Variants in ZNF566 observed in about 807,000 individuals in gnomAD.
The protein encoded by ZNF566 is zinc finger protein 566.
In ZNF566, 27 loss-of-function variants were observed where a neutral mutation model predicts 32.8. The ratio of observed to expected loss-of-function variants is 0.82; its 90% CI spans 0.61 to 1.14. The LOEUF (loss-of-function observed/expected upper bound fraction) is 1.14. ZNF566 is among the 50% of genes most tolerant of loss of function. The probability of loss-of-function intolerance (pLI) is 0.00; values close to 1 mark genes in which losing one functional copy is unlikely to be tolerated. For synonymous variants in ZNF566, 154 were observed against 159.5 expected (o/e 0.97, Z 0.26); for missense variants, 402 against 490.4 (o/e 0.82, Z 1.70).
intron 4 of ZNF566, among the ~76,000 whole-genome samples, chr19:36,458,911 T>C (rs978788342): frequency 6.6e-6 from 1 of 152,318 alleles, no homozygotes; most frequent in African/African-American, 2.4e-5. Flanking sequence ...TGGAGTGCAA[T>C]GGCGCGATCT....
intron 1 of ZNF566, among the ~76,000 whole-genome samples, chr19:36,480,837 C>T (rs568447830): frequency 1.3e-3 from 200 of 151,168 alleles, no homozygotes; most frequent in African/African-American, 4.6e-3. Context: ...GTCAGGAGTT[C>T]GAGACCAGCC....
chr19:36,474,733 G>C (rs2033844150), intron 2 of ZNF566, among the ~76,000 whole-genome samples: 1 of 152,064 alleles, frequency 6.6e-6, no homozygotes, highest in Non-Finnish European at 1.5e-5. Context: ...TTGTATCTTA[G>C]AAAATTAAAT....
chr19:36,449,931 C>T lies in ZNF566; in HGVS notation c.303G>A (p.Gln101=). 1 of 1,613,950 alleles carries T rather than the reference C, an allele frequency of 6.2e-7. No individual in the cohort carries two copies. Among genetic ancestry groups the T allele is most frequent in the Non-Finnish European group, 8.5e-7 (1 of 1,179,952 alleles). ...TTGTGAGTTTTTCCATTATTTCCCA[C>T]TGGGTTGATTCTATTTCATAAATTT... The part of the protein sequence containing the change: ...KKEIYEIEST[Q]WEIMEKLTRR... Residue 101 remains glutamine (Q), a synonymous_variant, in exon 5 of 5, where the codon CAG becomes CAA. Coordinates refer to ENST00000452939, the MANE Select transcript of ZNF566 (RefSeq NM_001145344.1).
Position 36,449,943 on chromosome 19 carries a change from T to C in ZNF566, c.291A>G (p.Ile97Met). The C allele has an allele frequency of 6.2e-7, 1 of 1,612,090 alleles. No homozygotes were observed. ...CCATTATTTCCCACTGGGTTGATTC[T>C]ATTTCATAAATTTCTTTCTTCAGAA... is the stretch of plus-strand genomic sequence containing the variant. ...KLFLKKEIYE[I>M]ESTQWEIMEK... The change falls in exon 5 of 5, where the codon ATA becomes ATG. Residue 97 changes from isoleucine (I) to methionine (M), a missense_variant. Physicochemically the swap from Ile to Met is conservative, Grantham distance 10 (BLOSUM62 1). This residue lies in a region of ZNF566 where 220 missense variants were observed against 241.9 expected (regional missense o/e 0.91). Transcript: ENST00000452939.
chr19:36,481,473 G>GAAAAAAAAAAA (rs79028574), intron 1 of ZNF566, among the ~76,000 whole-genome samples: 1 of 110,846 alleles, frequency 9.0e-6, no homozygotes, highest in African/African-American at 3.5e-5. Flanking sequence ...ACTGTCTCGG[G>GAAAAAAAAAAA]AAAAAAAAAA....
chr19:36,489,400 C>T (rs1016911894), intron 1 of ZNF566, 86 bp downstream of exon 1: 3 of 293,900 alleles, frequency 1.0e-5, no homozygotes, highest in Non-Finnish European at 2.0e-5. Context: ...CAAGCGCACG[C>T]TTTCAATCTC....
chr19:36,480,177 C>T (rs557218113), intron 1 of ZNF566, among the ~76,000 whole-genome samples: 7 of 152,078 alleles, frequency 4.6e-5, no homozygotes, highest in African/African-American at 1.7e-4. Context: ...GACAGCAGTA[C>T]AGACAAAACA....
Position 36,448,795 on chromosome 19 carries a change from CT to C in ZNF566, c.*181del. The C allele has an allele frequency of 1.9e-6, 1 of 519,590 alleles. No homozygotes were observed. The highest frequency in any genetic ancestry group is 3.2e-6 in the Non-Finnish European group (1 of 308,970). 32.2% of individuals were successfully genotyped at this position (519,590 alleles called of 1,614,324 possible). A position where few individuals can be genotyped will look rare whatever the true frequency, so the allele number is the denominator to read the frequency against. On this transcript the variant is annotated 3_prime_UTR_variant, in exon 5 of 5. Transcript: ENST00000452939. ...AGAGAAGTAAGCGTTTAGTTAAGGG[CT>C]TCCAAAGTATATTCTATTCATAGAG...
chr19:36,448,811 TATTCATAGAG>T lies in ZNF566; in HGVS notation c.*156_*165del, dbSNP rs1243458359. The T allele has an allele frequency of 1.7e-6, 1 of 596,556 alleles. No homozygotes were observed. The highest frequency in any genetic ancestry group is 1.9e-5 in the African/African-American group (1 of 53,026). 37.0% of individuals were successfully genotyped at this position (596,556 alleles called of 1,614,324 possible). The stretch of plus-strand genomic sequence containing the variant: ...AGTTAAGGGCTTCCAAAGTATATTC[TATTCATAGAG>T]TATTTCTCCAACATTATTTTTCCCA... On this transcript the variant is annotated 3_prime_UTR_variant, in exon 5 of 5. Coordinates refer to ENST00000452939, the MANE Select transcript of ZNF566 (RefSeq NM_001145344.1).
intron 4 of ZNF566, among the ~76,000 whole-genome samples, chr19:36,453,126 A>C (rs1352817723): frequency 6.7e-6 from 1 of 149,252 alleles, no homozygotes; most frequent in Non-Finnish European, 1.5e-5. Context: ...TCAAAAAAAA[A>C]ACAAAAAAAC....
chr19:36,465,081 C>T (rs975640616), intron 4 of ZNF566, among the ~76,000 whole-genome samples: 9 of 151,868 alleles, frequency 5.9e-5, no homozygotes, highest in African/African-American at 1.7e-4. Context: ...TAGCCTAATA[C>T]AAAATGGATC....
intron 1 of ZNF566, among the ~76,000 whole-genome samples, chr19:36,476,938 A>G (rs2033901466): frequency 6.6e-6 from 1 of 152,190 alleles, no homozygotes; most frequent in Admixed American, 6.5e-5. Flanking sequence ...TGAAGTCCCA[A>G]TTAGCACATA....
At chr19:36,481,471 G>C (rs1301794708) in intron 1 of ZNF566, among the ~76,000 whole-genome samples, 1 of 76,108 alleles carries the variant, frequency 1.3e-5, no homozygotes, top group Admixed American at 1.1e-4. Context: ...ACACTGTCTC[G>C]GGAAAAAAAA....
At chr19:36,456,667 CATGTGTATACCT>C (rs2033323554) in intron 4 of ZNF566, 1 of 152,024 alleles carries the variant, frequency 6.6e-6, no homozygotes, top group Non-Finnish European at 1.5e-5. Context: ...ACCACCATGG[CATGTGTATACCT>C]ATGTAACAAG....
At position 36,448,921 on chromosome 19, in the gene ZNF566, T is replaced by C. The variant is rs1007730724; in HGVS notation, c.*56A>G. The C allele has an allele frequency of 4.4e-6, 6 of 1,375,042 alleles. No individual in the cohort carries two copies. The highest frequency in any genetic ancestry group is 1.5e-5 in the South Asian group (1 of 67,194). The allele number at this position is 1,375,042 out of a possible 1,614,324, so 85.2% of individuals were successfully genotyped here. A position where few individuals can be genotyped will look rare whatever the true frequency, so the allele number is the denominator to read the frequency against. ...CTAGAGGAATTATTAACAAGATAAA[T>C]TCTGTTTTGAGCCATAATTAAAAGC... On this transcript the variant is annotated 3_prime_UTR_variant, in exon 5 of 5. Coordinates refer to ENST00000452939, the MANE Select transcript of ZNF566 (RefSeq NM_001145344.1).
At chr19:36,463,378 C>G (rs964400941) in intron 4 of ZNF566, among the ~76,000 whole-genome samples, 3 of 151,908 alleles carry the variant, frequency 2.0e-5, no homozygotes, top group Non-Finnish European at 4.4e-5. Flanking sequence ...ATCAAATGAA[C>G]TATAAGCCCT....
At chr19:36,469,238 T>C (rs374046518) in intron 4 of ZNF566, among the ~76,000 whole-genome samples, 2 of 151,868 alleles carry the variant, frequency 1.3e-5, no homozygotes, top group South Asian at 2.1e-4. Flanking sequence ...AAGTCCTGGA[T>C]TTACTTGAAA....
intron 4 of ZNF566, among the ~76,000 whole-genome samples, chr19:36,464,328 A>AT (rs900242760): frequency 3.2e-4 from 48 of 149,806 alleles, no homozygotes; most frequent in African/African-American, 1.0e-3. Context: ...GGGAAACATA[A>AT]TTTTTTTTTT....
chr19:36,461,865 C>T (rs2033471785), intron 4 of ZNF566, among the ~76,000 whole-genome samples: 1 of 151,928 alleles, frequency 6.6e-6, no homozygotes, highest in African/African-American at 2.4e-5. Flanking sequence ...GTACACCACC[C>T]AATCCAATCT....
Sources: allele counts gnomAD v4.1 joint callset (sites outside exome capture counted in the v4.1 genomes callset), GRCh38; gene constraint gnomAD v4.1.1; regional missense constraint gnomAD v4.1.1; transcripts MANE v1.5; gene names NCBI Gene and HGNC (gene_info 2026-07-23, HGNC 2026-07-21).